Variants in MGAT4C observed in about 807,000 individuals in gnomAD.
MGAT4C encodes MGAT4 family member C.
In MGAT4C, 19 loss-of-function variants were observed where a neutral mutation model predicts 40.1. The ratio of observed to expected loss-of-function variants is 0.47; its 90% CI spans 0.33 to 0.70. The LOEUF is 0.70. Ranked by LOEUF, MGAT4C falls within the 30% of genes least tolerant of loss-of-function variation. The probability of loss-of-function intolerance (pLI) is 0.02; values close to 1 mark genes in which losing one functional copy is unlikely to be tolerated. For synonymous variants in MGAT4C, 181 were observed against 187.1 expected (o/e 0.97, Z 0.27); for missense variants, 491 against 563.2 (o/e 0.87, Z 1.30).
At chr12:86,509,139 C>T (rs964490967) in intron 2 of MGAT4C, among the ~76,000 whole-genome samples, 6 of 152,090 alleles carry the variant, frequency 3.9e-5, no homozygotes, top group African/African-American at 1.2e-4. Context: ...CTTGACCATG[C>T]CTATGTCCTG....
intron 1 of MGAT4C, among the ~76,000 whole-genome samples, chr12:86,774,345 C>CTTTTTCTTTCTTTCTTTCTT (rs1951708548): frequency 1.1e-3 from 17 of 14,908 alleles, no homozygotes; most frequent in Admixed American, 3.6e-3. Flanking sequence ...CTTTCTGTCT[C>CTTTTTCTTTCTTTCTTTCTT]TCTCTCTCCC....
chr12:86,154,709 G>A (rs918330515), intron 1 of MGAT4C, among the ~76,000 whole-genome samples: 1 of 152,162 alleles, frequency 6.6e-6, no homozygotes, highest in Non-Finnish European at 1.5e-5. Context: ...AGTGAATTTC[G>A]TTTTTGGCAC....
chr12:86,339,751 CAA>C (rs1340046038), intron 3 of MGAT4C, among the ~76,000 whole-genome samples: 8 of 152,118 alleles, frequency 5.3e-5, no homozygotes, highest in East Asian at 3.8e-4. Flanking sequence ...CACACACACA[CAA>C]AGACACACAG....
intron 2 of MGAT4C, among the ~76,000 whole-genome samples, chr12:86,659,364 C>T (rs552636892): frequency 8.5e-5 from 13 of 152,072 alleles, no homozygotes; most frequent in Non-Finnish European, 4.4e-5. Flanking sequence ...AGAAGAGATA[C>T]AAGCTGCTGA....
chr12:86,643,264 A>G (rs1963444463), intron 2 of MGAT4C, among the ~76,000 whole-genome samples: 1 of 151,826 alleles, frequency 6.6e-6, no homozygotes. Flanking sequence ...ACCTGCCGTT[A>G]GGTCCCACTT....
chr12:86,467,462 A>G (rs1322599314), intron 2 of MGAT4C, among the ~76,000 whole-genome samples: 4 of 152,170 alleles, frequency 2.6e-5, no homozygotes, highest in African/African-American at 9.6e-5. Flanking sequence ...TTTATAACCA[A>G]TGTTATAATT....
intron 2 of MGAT4C, among the ~76,000 whole-genome samples, chr12:86,721,821 C>A (rs1040583316): frequency 6.6e-6 from 1 of 152,078 alleles, no homozygotes; most frequent in African/African-American, 2.4e-5. Context: ...TTGTTTAAGT[C>A]TATTTATGTA....
chr12:86,635,615 A>C (rs1401098462), intron 2 of MGAT4C, among the ~76,000 whole-genome samples: 2 of 151,798 alleles, frequency 1.3e-5, no homozygotes, highest in African/African-American at 4.8e-5. Context: ...TAGTTCCATA[A>C]GATTATAATA....
chr12:86,099,098 T>A (rs982101923), intron 1 of MGAT4C, among the ~76,000 whole-genome samples: 1 of 151,396 alleles, frequency 6.6e-6, no homozygotes, highest in Non-Finnish European at 1.5e-5. Flanking sequence ...TAATTATTTT[T>A]AAAATGTTTT....
intron 2 of MGAT4C, among the ~76,000 whole-genome samples, chr12:86,507,655 C>G (rs1310753677): frequency 6.6e-6 from 1 of 152,160 alleles, no homozygotes; most frequent in East Asian, 1.9e-4. Flanking sequence ...AATCAGCTCA[C>G]TTTCAAATGA....
chr12:86,557,544 A>T (rs142459023), intron 2 of MGAT4C, among the ~76,000 whole-genome samples: 2 of 152,160 alleles, frequency 1.3e-5, no homozygotes, highest in Non-Finnish European at 2.9e-5. Flanking sequence ...TGATGTCCCT[A>T]TTCTTAGAAA....
chr12:86,774,345 C>CTTTCTTTTTCTTTCTTTCTTTCTTTCTT (rs1951708548), intron 1 of MGAT4C, among the ~76,000 whole-genome samples: 3 of 14,930 alleles, frequency 2.0e-4, no homozygotes, highest in Non-Finnish European at 2.8e-4. Context: ...CTTTCTGTCT[C>CTTTCTTTTTCTTTCTTTCTTTCTTTCTT]TCTCTCTCCC....
rs544223274 is a variant in MGAT4C at position 86,648,138 on chromosome 12, G to C, written c.-229+79071C>G. Among the ~76,000 whole-genome samples the C allele has an allele frequency of 2.6e-5, 4 of 151,752 alleles. No individual in the cohort carries two copies. In the East Asian group the frequency reaches 5.9e-4, roughly 22 times the overall value. On this transcript the variant is annotated intron_variant, in intron 2 of 7. Coordinates refer to the MGAT4C transcript ENST00000548651. ...GGTTCAATCTAGGTTTATGTTTAGG[G>C]TTATTTATTCAATTATTTGTATTAT... is the stretch of plus-strand genomic sequence containing the variant.
intron 1 of MGAT4C, among the ~76,000 whole-genome samples, chr12:86,800,165 A>G (rs1952200062): frequency 6.6e-6 from 1 of 152,024 alleles, no homozygotes; most frequent in Admixed American, 6.6e-5. Context: ...TCACTGATAA[A>G]GGAAGAAAGC....
At chr12:86,258,912 G>T (rs1251021102), upstream of MGAT4C, among the ~76,000 whole-genome samples, 2 of 151,914 alleles carry the variant, frequency 1.3e-5, no homozygotes, top group African/African-American at 4.8e-5. Flanking sequence ...CTAGAATAAT[G>T]AGTGAATCTT....
At chr12:86,228,269 T>A (rs907197926) in intron 1 of MGAT4C, among the ~76,000 whole-genome samples, 1 of 151,774 alleles carries the variant, frequency 6.6e-6, no homozygotes, top group African/African-American at 2.4e-5. Flanking sequence ...AAAGAGAGGA[T>A]AAAACCAAAG....
intron 3 of MGAT4C, among the ~76,000 whole-genome samples, chr12:86,400,753 G>A (rs1956341463): frequency 6.6e-6 from 1 of 152,198 alleles, no homozygotes; most frequent in Admixed American, 6.5e-5. Context: ...TGTAAAGTTA[G>A]TGATGGAGCC....
intron 2 of MGAT4C, among the ~76,000 whole-genome samples, chr12:86,638,114 T>G (rs1339079891): frequency 1.5e-5 from 1 of 68,396 alleles, no homozygotes; most frequent in Non-Finnish European, 4.3e-5. Context: ...AATTTTTATC[T>G]AACAAAAAAA....
intron 3 of MGAT4C, among the ~76,000 whole-genome samples, chr12:86,423,017 C>T (rs934869227): frequency 6.6e-6 from 1 of 152,096 alleles, no homozygotes; most frequent in Non-Finnish European, 1.5e-5. Flanking sequence ...GCACGAACAT[C>T]AGAATAATAT....
Sources: gnomAD v4.1 joint callset for allele counts (sites outside exome capture counted in the v4.1 genomes callset) on GRCh38, gnomAD v4.1.1 for gene constraint, MANE v1.5 for transcripts, NCBI Gene and HGNC (gene_info 2026-07-23, HGNC 2026-07-21) for gene names.